The following SRD5A1 variants were observed in gnomAD, a reference collection of about 807,000 sequenced individuals.
The protein encoded by SRD5A1 is 3-oxo-5-alpha-steroid 4-dehydrogenase 1.
Under a neutral mutation model 28.2 loss-of-function variants are expected in SRD5A1, and 22 were observed. The observed-to-expected ratio is 0.78, with a 90% CI of 0.56 to 1.12. The LOEUF is 1.12. Among genes scored for constraint, SRD5A1 ranks in the 50% most tolerant of loss-of-function variants. The pLI, the probability that SRD5A1 is intolerant of heterozygous loss-of-function variation, is 0.00. For synonymous variants in SRD5A1, 151 were observed against 135.0 expected (o/e 1.12, Z -0.82); for missense variants, 300 against 346.7 (o/e 0.87, Z 1.07).
At chr5:6,639,340 G>T (rs1052573248) in intron 1 of SRD5A1, among the ~76,000 whole-genome samples, 3 of 152,218 alleles carry the variant, frequency 2.0e-5, no homozygotes, top group Admixed American at 2.0e-4. Flanking sequence ...CTTTGGAGCA[G>T]GTCCCATCGA....
Position 6,633,501 on chromosome 5 carries a change from C to G in SRD5A1, c.-76C>G. The stretch of plus-strand genomic sequence containing the variant: ...AGCCGCCCCTCCGGTAGCCGCCCCT[C>G]CTGCCCCCGCGCCGCCGCCCTATAT... On this transcript the variant is annotated 5_prime_UTR_variant, in exon 1 of 5. Coordinates refer to ENST00000274192, the MANE Select transcript of SRD5A1 (RefSeq NM_001047.4). The G allele has an allele frequency of 7.2e-7, 1 of 1,380,580 alleles. No individual in the cohort carries two copies. The highest frequency in any genetic ancestry group is 3.6e-5 in the Admixed American group (1 of 27,772). The allele number at this position is 1,380,580 out of a possible 1,614,324, so 85.5% of individuals were successfully genotyped here.
At chr5:6,663,086 T>C (rs1463399846) in intron 4 of SRD5A1, 120 bp downstream of exon 4, 2 of 1,303,268 alleles carry the variant, frequency 1.5e-6, no homozygotes, top group African/African-American at 3.0e-5. Context: ...ATTCTGTGCT[T>C]TGGCCAAACA....
At chr5:6,636,644 T>C (rs8192135) in intron 1 of SRD5A1, among the ~76,000 whole-genome samples, 1 of 151,974 alleles carries the variant, frequency 6.6e-6, no homozygotes, top group African/African-American at 2.4e-5. Flanking sequence ...AGCAACTGAC[T>C]GTTCTGGGAA....
chr5:6,657,890 T>C (rs10060745), intron 3 of SRD5A1, among the ~76,000 whole-genome samples: 52,512 of 152,070 alleles, frequency 0.35, 9,304 homozygotes, highest in Middle Eastern at 0.43. Context: ...TATTCAAACC[T>C]GAACAACAAA....
intron 1 of SRD5A1, among the ~76,000 whole-genome samples, chr5:6,640,797 C>T (rs1160360412): frequency 6.6e-6 from 1 of 152,236 alleles, no homozygotes; most frequent in Non-Finnish European, 1.5e-5. Context: ...CCAGACCTGA[C>T]TGTTTTGTAT....
intron 3 of SRD5A1, among the ~76,000 whole-genome samples, chr5:6,661,245 A>T (rs1738989885): frequency 6.6e-6 from 1 of 152,150 alleles, no homozygotes; most frequent in Non-Finnish European, 1.5e-5. Flanking sequence ...TTTTTAAAAA[A>T]ATAGACCATC....
chr5:6,659,099 T>G (rs188799848), intron 3 of SRD5A1, among the ~76,000 whole-genome samples: 1 of 150,550 alleles, frequency 6.6e-6, no homozygotes, highest in Admixed American at 6.6e-5. Flanking sequence ...AGGGAGACCC[T>G]GTCTCAAAAA....
chr5:6,645,350 G>A (rs538036804), intron 1 of SRD5A1: 1 of 195,268 alleles, frequency 5.1e-6, no homozygotes, highest in African/African-American at 2.4e-5. Context: ...TTTTAAGTCT[G>A]TAATTTGGGC....
At chr5:6,639,334 G>A (rs1486544447) in intron 1 of SRD5A1, among the ~76,000 whole-genome samples, 1 of 152,150 alleles carries the variant, frequency 6.6e-6, no homozygotes, top group East Asian at 1.9e-4. Flanking sequence ...TTTCCCCTTT[G>A]GAGCAGGTCC....
At chr5:6,636,567 C>T (rs1433312165) in intron 1 of SRD5A1, among the ~76,000 whole-genome samples, 1 of 152,024 alleles carries the variant, frequency 6.6e-6, no homozygotes, top group East Asian at 1.9e-4. Flanking sequence ...AGGACCAGAG[C>T]CAGGTCCAGG....
In SRD5A1 at chr5:6,656,080, T is replaced by C; in HGVS notation, c.463T>C (p.Phe155Leu). The change falls in exon 3 of 5, where the codon TTT (phenylalanine) becomes CTT (leucine). Residue 155 changes from phenylalanine (F) to leucine (L), a missense_variant and splice_region_variant. By Grantham distance (22) the Phe-to-Leu change is conservative. Coordinates refer to ENST00000274192, the MANE Select transcript of SRD5A1 (RefSeq NM_001047.4). ...ATCTTGCAATTTTTTTCCTTTAGGT[T>C]TTGGCTTGTGGTTAACGGGCATGTT... ...WVTDPRFLIG[F>L]GLWLTGMLIN... 6.2e-6 allele frequency: 10 copies of C among 1,613,488 alleles called. No individual in the cohort carries two copies. Among genetic ancestry groups the C allele is most frequent in the Non-Finnish European group, 8.5e-6 (10 of 1,179,664 alleles).
intron 1 of SRD5A1, among the ~76,000 whole-genome samples, chr5:6,644,604 A>G (rs1348137625): frequency 6.6e-6 from 1 of 152,148 alleles, no homozygotes; most frequent in Non-Finnish European, 1.5e-5. Context: ...ACTGAGGGGT[A>G]GAGTGAGAGC....
At chr5:6,656,779 C>T (rs1022149437) in intron 3 of SRD5A1, among the ~76,000 whole-genome samples, 5 of 152,108 alleles carry the variant, frequency 3.3e-5, no homozygotes, top group African/African-American at 1.2e-4. Context: ...CCAGCAAAAG[C>T]CCAGATCCCC....
intron 1 of SRD5A1, among the ~76,000 whole-genome samples, chr5:6,636,514 T>G (rs1451296410): frequency 6.6e-6 from 1 of 152,196 alleles, no homozygotes; most frequent in East Asian, 1.9e-4. Context: ...GGAGTGAGGT[T>G]GGGCCCTGCC....
At chr5:6,657,667 G>A (rs1033825217) in intron 3 of SRD5A1, among the ~76,000 whole-genome samples, 1 of 152,230 alleles carries the variant, frequency 6.6e-6, no homozygotes, top group Non-Finnish European at 1.5e-5. Context: ...GCAGATTTGA[G>A]AAACACCACT....
intron 3 of SRD5A1, among the ~76,000 whole-genome samples, chr5:6,656,384 TAAAC>T (rs1738837391): frequency 6.6e-6 from 1 of 152,196 alleles, no homozygotes; most frequent in East Asian, 1.9e-4. Flanking sequence ...GAACAGTTAT[TAAAC>T]AAAGCAGAAA....
intron 1 of SRD5A1, chr5:6,645,368 G>A (rs888473510): frequency 5.1e-5 from 10 of 194,204 alleles, no homozygotes; most frequent in East Asian, 1.5e-4. Context: ...GGCTGGTCGC[G>A]GTGGCTCAGG....
chr5:6,653,397 G>T (rs996263944), intron 2 of SRD5A1: 1 of 152,138 alleles, frequency 6.6e-6, no homozygotes, highest in African/African-American at 2.4e-5. Flanking sequence ...ATATCTTCTT[G>T]GTTTACCTGC....
intron 1 of SRD5A1, among the ~76,000 whole-genome samples, chr5:6,649,227 C>G (rs1579402334): frequency 6.6e-6 from 1 of 152,176 alleles, no homozygotes; most frequent in African/African-American, 2.4e-5. Flanking sequence ...AGGAGGTTGT[C>G]CCTTATCAGA....
Sources: gnomAD v4.1 joint callset for allele counts (sites outside exome capture counted in the v4.1 genomes callset) on GRCh38, gnomAD v4.1.1 for gene constraint, MANE v1.5 for transcripts, NCBI Gene and HGNC (gene_info 2026-07-23, HGNC 2026-07-21) for gene names.